The following OR2Z1 variants were observed in gnomAD, a reference collection of about 807,000 sequenced individuals.
The protein encoded by OR2Z1 is olfactory receptor family 2 subfamily Z member 1.
For missense variants in OR2Z1, 449 were observed against 401.8 expected, an observed-to-expected ratio of 1.12 and a Z score of -1.00; for synonymous variants, 188 against 160.6, an observed-to-expected ratio of 1.17 and a Z score of -1.29.
chr19:8,724,625 T>C (rs2043320635), intron 2 of OR2Z1, among the ~76,000 whole-genome samples: 1 of 152,158 alleles, frequency 6.6e-6, no homozygotes, highest in Non-Finnish European at 1.5e-5. Context: ...TCACTTCTCT[T>C]CCCAAAAACT....
At chr19:8,726,661 C>T (rs538499945) in intron 2 of OR2Z1, among the ~76,000 whole-genome samples, 1 of 152,320 alleles carries the variant, frequency 6.6e-6, no homozygotes, top group South Asian at 2.1e-4. Context: ...TGATTCACCT[C>T]TGAATGTTTT....
At chr19:8,728,972 C>A in intron 2 of OR2Z1, 2 of 691,726 alleles carry the variant, frequency 2.9e-6, no homozygotes. Flanking sequence ...TCAGCGGCAA[C>A]GTGATGATTG....
At chr19:8,723,609 A>AGT (rs1401542173) in intron 2 of OR2Z1, among the ~76,000 whole-genome samples, 9 of 135,358 alleles carry the variant, frequency 6.6e-5, no homozygotes, top group East Asian at 2.5e-4. Context: ...TTACACATAC[A>AGT]GTGCGTGTGT....
At chr19:8,723,453 G>T (rs563388765) in intron 2 of OR2Z1, among the ~76,000 whole-genome samples, 31 of 152,180 alleles carry the variant, frequency 2.0e-4, no homozygotes, top group Non-Finnish European at 4.0e-4. Flanking sequence ...ATCAGACTAT[G>T]CTGAAATGAG....
intron 2 of OR2Z1, 42 bp downstream of exon 2, chr19:8,723,192 C>T (rs1332810104): frequency 1.3e-5 from 2 of 152,198 alleles, no homozygotes; most frequent in Non-Finnish European, 1.5e-5. Context: ...GGGTTTCTGC[C>T]TGCAATCATG....
At chr19:8,729,659 C>T (rs1555756524) in intron 2 of OR2Z1, among the ~76,000 whole-genome samples, 1 of 151,748 alleles carries the variant, frequency 6.6e-6, no homozygotes. Context: ...GGTGCGATCT[C>T]GGCTCACTGC....
At chr19:8,726,081 T>C (rs890371846) in intron 2 of OR2Z1, among the ~76,000 whole-genome samples, 12 of 152,158 alleles carry the variant, frequency 7.9e-5, no homozygotes, top group Non-Finnish European at 2.9e-5. Flanking sequence ...TTCTCCTGCC[T>C]CAGCCTCCCG....
At chr19:8,729,229 G>GT (rs2043340534) in intron 2 of OR2Z1, 6 of 662,384 alleles carry the variant, frequency 9.1e-6, no homozygotes, top group African/African-American at 5.5e-5. Context: ...CCAATAGGTA[G>GT]TTTTTTAACC....
chr19:8,729,113 C>T, intron 2 of OR2Z1: 4 of 1,259,070 alleles, frequency 3.2e-6, no homozygotes, highest in Non-Finnish European at 4.6e-6. Context: ...GCTGTGGACA[C>T]CTTTCAACAC....
Position 8,730,925 on chromosome 19 carries a change from T to A in OR2Z1, c.-104T>A. ...CACCATCCCAGGAAGCCACTACCAA[T>A]CAATGATGATTGGCATGTGAGATGA... On this transcript the variant is annotated 5_prime_UTR_variant, in exon 3 of 3. Coordinates refer to ENST00000641125, the MANE Select transcript of OR2Z1 (RefSeq NM_001004699.3). 1.2e-6 allele frequency: 1 copy of A among 844,986 alleles called. No homozygotes were observed. The highest frequency in any genetic ancestry group is 1.7e-5 in the South Asian group (1 of 59,720). 52.3% of individuals were successfully genotyped at this position (844,986 alleles called of 1,614,324 possible).
At position 8,732,070 on chromosome 19, in the gene OR2Z1, GCCAAATAT is replaced by G; in HGVS notation, c.*101_*108del. ...ATTCAATTGCCAATTTGTGCAACTG[GCCAAATAT>G]CCAGCCATTGCCCAAGGTGCAACTT... is the stretch of plus-strand genomic sequence containing the variant. On this transcript the variant is annotated 3_prime_UTR_variant, in exon 3 of 3. Coordinates refer to ENST00000641125, the MANE Select transcript of OR2Z1 (RefSeq NM_001004699.3). 2.1e-6 allele frequency: 2 copies of G among 943,902 alleles called. No individual in the cohort carries two copies. The allele number at this position is 943,902 out of a possible 1,614,324, so 58.5% of individuals were successfully genotyped here.
At chr19:8,723,199 C>T (rs565635952) in intron 2 of OR2Z1, 49 bp downstream of exon 2, 1 of 152,292 alleles carries the variant, frequency 6.6e-6, no homozygotes, top group African/African-American at 2.4e-5. Context: ...TGCCTGCAAT[C>T]ATGTTTTATG....
At chr19:8,729,920 G>A (rs1555756553) in intron 2 of OR2Z1, among the ~76,000 whole-genome samples, 1 of 151,962 alleles carries the variant, frequency 6.6e-6, no homozygotes, top group African/African-American at 2.4e-5. Flanking sequence ...TGTCACCCAG[G>A]CTGGTCTTGA....
chr19:8,730,815 C>T (rs1555756637), intron 2 of OR2Z1, 45 bp from the exon 3 acceptor site: 1 of 589,454 alleles, frequency 1.7e-6, no homozygotes, highest in African/African-American at 1.9e-5. Context: ...CTTTCCCATC[C>T]CATGCCTTGG....
chr19:8,725,979 G>A (rs747761923), intron 2 of OR2Z1, among the ~76,000 whole-genome samples: 11 of 151,710 alleles, frequency 7.3e-5, no homozygotes, highest in Non-Finnish European at 1.6e-4. Context: ...TTTTTGGTGG[G>A]TGGAGGAGAC....
At chr19:8,729,717 A>T (rs2043343473) in intron 2 of OR2Z1, among the ~76,000 whole-genome samples, 1 of 151,940 alleles carries the variant, frequency 6.6e-6, no homozygotes, top group Non-Finnish European at 1.5e-5. Context: ...CAGCCTCCCG[A>T]ATAGATGGGA....
At chr19:8,725,539 A>C (rs2043323924) in intron 2 of OR2Z1, among the ~76,000 whole-genome samples, 1 of 152,122 alleles carries the variant, frequency 6.6e-6, no homozygotes, top group Non-Finnish European at 1.5e-5. Context: ...CACTACGCCC[A>C]GCCAAACTCC....
At chr19:8,728,882 C>A in intron 2 of OR2Z1, 1 of 649,804 alleles carries the variant, frequency 1.5e-6, no homozygotes, top group East Asian at 3.5e-5. Flanking sequence ...GCTGTTTGAT[C>A]TGGTGCTTGT....
Position 8,731,355 on chromosome 19 carries a change from G to T in OR2Z1, c.327G>T (p.Val109=). 2 of 1,614,094 alleles carry T rather than the reference G, an allele frequency of 1.2e-6. No homozygotes were observed. The highest frequency in any genetic ancestry group is 1.7e-6 in the Non-Finnish European group (2 of 1,180,016). The change falls in exon 3 of 3, where the codon GTG becomes GTT. Residue 109 remains valine, a synonymous_variant. Coordinates refer to ENST00000641125, the MANE Select transcript of OR2Z1 (RefSeq NM_001004699.3). ...TATTCTTCCTCACACTGATGGGTGT[G>T]GCTGAGGGCGTCCTGTTGGTCCTCA... ...AQIFFLTLMG[V]AEGVLLVLMS... is the part of the protein sequence containing the mutation.
Sources: allele counts gnomAD v4.1 joint callset (sites outside exome capture counted in the v4.1 genomes callset), GRCh38; gene constraint gnomAD v4.1.1; transcripts MANE v1.5; gene names NCBI Gene and HGNC (gene_info 2026-07-23, HGNC 2026-07-21).